Variants in ABCG5 observed in about 807,000 individuals in gnomAD.
The protein encoded by ABCG5 is ATP binding cassette subfamily G member 5.
ABCG5 carries 64 observed loss-of-function variants against 64.5 expected under a neutral mutation model. The ratio of observed to expected loss-of-function variants is 0.99; its 90% confidence interval spans 0.81 to 1.22. The LOEUF is 1.22. Among genes scored for constraint, ABCG5 ranks in the 50% most tolerant of loss-of-function variants. The pLI is 0.00. For synonymous variants in ABCG5, 385 were observed against 326.3 expected, an observed-to-expected ratio of 1.18 and a Z score of -1.94; for missense variants, 908 against 829.5, an observed-to-expected ratio of 1.09 and a Z score of -1.16.
At chr2:43,825,174 G>T (rs569546465) in intron 6 of ABCG5, among the ~76,000 whole-genome samples, 156 bp from the exon 7 acceptor site, 3 of 152,102 alleles carry the variant, frequency 2.0e-5, no homozygotes, top group Admixed American at 6.5e-5. Flanking sequence ...TCAGTCCTTC[G>T]ATGACCTTGG....
At chr2:43,834,662 G>A (rs558510442) in intron 2 of ABCG5, among the ~76,000 whole-genome samples, 1 of 152,372 alleles carries the variant, frequency 6.6e-6, no homozygotes, top group Admixed American at 6.5e-5. Context: ...CAGCACTTTG[G>A]GAGGCCAAGG....
intron 2 of ABCG5, 76 bp from the exon 3 acceptor site, chr2:43,832,159 G>A: frequency 6.5e-7 from 1 of 1,546,368 alleles, no homozygotes; most frequent in Non-Finnish European, 8.7e-7. Context: ...GACCCTCTGT[G>A]CAGGCATGAC....
chr2:43,825,569 T>A (rs750788563), intron 6 of ABCG5, among the ~76,000 whole-genome samples: 5 of 152,148 alleles, frequency 3.3e-5, no homozygotes, highest in Non-Finnish European at 5.9e-5. Flanking sequence ...TATTAACAAC[T>A]GTGTGATCTT....
Position 43,813,094 on chromosome 2 carries a change from A to G in ABCG5, c.*22T>C. On this transcript the variant is annotated 3_prime_UTR_variant, in exon 13 of 13. Transcript: ENST00000405322. ...ATGCACAGTCGGCAGCTTCACTTCC[A>G]TTTTCCCAGCCATGGCTTTCACTAC... 1 of 984,282 alleles carries G rather than the reference A, an allele frequency of 1.0e-6. No individual in the cohort carries two copies. The highest frequency in any genetic ancestry group is 1.7e-6 in the Non-Finnish European group (1 of 605,100). 61.0% of individuals were successfully genotyped at this position (984,282 alleles called of 1,614,324 possible).
intron 2 of ABCG5, among the ~76,000 whole-genome samples, chr2:43,833,030 G>A (rs572951882): frequency 4.6e-5 from 7 of 152,130 alleles, no homozygotes; most frequent in South Asian, 4.2e-4. Context: ...GGCTGGTCTC[G>A]ACCTCCTGAC....
In ABCG5 at chr2:43,813,055, C is replaced by A; in HGVS notation, c.*61G>T. The A allele has an allele frequency of 1.3e-6, 1 of 776,816 alleles. No homozygotes were observed. The highest frequency in any genetic ancestry group is 2.4e-6 in the Non-Finnish European group (1 of 421,778). The allele number at this position is 776,816 out of a possible 1,614,324, so 48.1% of individuals were successfully genotyped here. On this transcript the variant is annotated 3_prime_UTR_variant, in exon 13 of 13. Coordinates refer to ENST00000405322, the MANE Select transcript of ABCG5 (RefSeq NM_022436.3). ...AAATACATGGCACTCTCATTTCAGA[C>A]GTTCAGAGCAGTCATGCACAGTCGG...
intron 12 of ABCG5, among the ~76,000 whole-genome samples, chr2:43,813,709 G>GTTTTTTTTTTT (rs1214033245): frequency 3.8e-4 from 13 of 34,064 alleles, no homozygotes; most frequent in East Asian, 7.2e-4. Flanking sequence ...TTTTTTTTTC[G>GTTTTTTTTTTT]TTTTTTTTTT....
Position 43,837,896 on chromosome 2 carries a change from A to T in ABCG5, c.203T>A (p.Ile68Asn). 6.2e-7 allele frequency: 1 copy of T among 1,614,136 alleles called. No homozygotes were observed. Among genetic ancestry groups the T allele is most frequent in the East Asian group, 2.2e-5 (1 of 44,878 alleles). Residue 68 changes from isoleucine (I) to asparagine (N), a missense_variant, in exon 2 of 13, where the codon ATC becomes AAC. By Grantham distance (149) the Ile-to-Asn change is moderately radical. Transcript: ENST00000405322. ...CACGTACAAGGAGACATCTTTGAGG[A>T]TCTGCCTGGTCCACTGCTGCCGGCA... is the stretch of plus-strand genomic sequence containing the variant. ...TSCRQQWTRQILKDVSLYVES... is the reference protein window; with the variant it reads ...TSCRQQWTRQNLKDVSLYVES...
chr2:43,809,774 T>C (rs8302), downstream of ABCG5: 280,833 of 1,605,688 alleles, frequency 0.17, 26,027 homozygotes, highest in African/African-American at 0.27. Flanking sequence ...TTGAACCTAT[T>C]TCAATTATTG....
At chr2:43,825,141 G>T in intron 6 of ABCG5, 123 bp from the exon 7 acceptor site, 2 of 1,200,712 alleles carry the variant, frequency 1.7e-6, no homozygotes, top group South Asian at 1.3e-5. Context: ...AGTCCTTATG[G>T]GAAATGCATT....
rs772952717 is a variant in ABCG5, at chr2:43,827,983, T to C, written c.634A>G (p.Lys212Glu). Residue 212 changes from lysine to glutamate, a missense_variant and splice_region_variant, in exon 5 of 13, where the codon AAG becomes GAG. By Grantham distance (56) the Lys-to-Glu change is moderately conservative. Coordinates refer to ENST00000405322, the MANE Select transcript of ABCG5 (RefSeq NM_022436.3). Reference protein sequence around the residue: ...SIAAQLLQDPKVMLFDEPTTG... With the variant: ...SIAAQLLQDPEVMLFDEPTTG... The stretch of plus-strand genomic sequence containing the variant: ...AGTAACAGTTCTGGGTGCCACTTAC[T>C]AGGATCCTGGAGCAGCTGGGCTGCG... The C allele has an allele frequency of 9.9e-6, 16 of 1,613,854 alleles. No individual in the cohort carries two copies. Among genetic ancestry groups the C allele is most frequent in the African/African-American group, 2.7e-5 (2 of 74,910 alleles).
intron 9 of ABCG5, among the ~76,000 whole-genome samples, chr2:43,823,560 T>C (rs922589042): frequency 6.6e-6 from 1 of 152,098 alleles, no homozygotes; most frequent in Non-Finnish European, 1.5e-5. Context: ...AAAGAGAAGC[T>C]AACGGTACAA....
Position 43,838,532 on chromosome 2 carries a change from C to G in ABCG5, c.143+5G>C, listed in dbSNP as rs770811436. On this transcript the variant is annotated splice_donor_5th_base_variant and intron_variant, in intron 1 of 12. Transcript: ENST00000405322. The surrounding 1 kb of genome is among the most constrained non-coding windows in gnomAD (Gnocchi z 4.2). Reference sequence around the variant, plus strand: ...GGAGCAGCAGCAGCAAGGGCTCTGCCTTACCTGACGCTGTAGGAGGCATGG... The same window carrying G: ...GGAGCAGCAGCAGCAAGGGCTCTGCGTTACCTGACGCTGTAGGAGGCATGG... 3.1e-6 allele frequency: 5 copies of G among 1,598,132 alleles called. No individual in the cohort carries two copies. In the East Asian group the frequency reaches 6.8e-5, roughly 22 times the overall value.
downstream of ABCG5, among the ~76,000 whole-genome samples, chr2:43,811,883 C>T (rs367566316): frequency 3.0e-4 from 46 of 152,112 alleles, no homozygotes; most frequent in South Asian, 4.1e-4. Flanking sequence ...CATGAGCCAC[C>T]GCGCCTGGCC....
At position 43,812,656 on chromosome 2, in the gene ABCG5, C is replaced by A; in HGVS notation, c.*460G>T. On this transcript the variant is annotated 3_prime_UTR_variant, in exon 13 of 13. Coordinates refer to ENST00000405322, the MANE Select transcript of ABCG5 (RefSeq NM_022436.3). The stretch of plus-strand genomic sequence containing the variant: ...CTTCCAGGAACAGAAGCATTCTTAC[C>A]CAATTCTGCATGATAACCTTGCTTC... 5.3e-6 allele frequency: 1 copy of A among 189,196 alleles called. No homozygotes were observed. Among genetic ancestry groups the A allele is most frequent in the Non-Finnish European group, 1.1e-5 (1 of 90,490 alleles). The allele number at this position is 189,196 out of a possible 1,614,324, so 11.7% of individuals were successfully genotyped here.
rs115260078 is a variant in ABCG5 at position 43,815,700 on chromosome 2, G to C, written c.1650-1111C>G. ...CAAGGGCTGCATATGGGACTGACTG[G>C]ACCAGAAACACTGGAAGAGAGGATG... On this transcript the variant is annotated intron_variant, in intron 11 of 12. Transcript: ENST00000405322. Among the ~76,000 whole-genome samples the C allele has an allele frequency of 8.3e-3, 1,263 of 152,238 alleles. 19 individuals are homozygous for C. Among genetic ancestry groups the C allele is most frequent in the African/African-American group, 0.029 (1,210 of 41,528 alleles).
intron 11 of ABCG5, among the ~76,000 whole-genome samples, chr2:43,819,576 T>A (rs1315074835): frequency 1.3e-5 from 2 of 151,974 alleles, no homozygotes; most frequent in African/African-American, 4.8e-5. Context: ...AGAAATGAAC[T>A]AATGCATGCA....
At chr2:43,819,885 A>C (rs932122668) in intron 11 of ABCG5, 30 bp downstream of exon 11, 1 of 1,611,500 alleles carries the variant, frequency 6.2e-7, no homozygotes, top group Non-Finnish European at 8.5e-7. Flanking sequence ...GATTATCCCA[A>C]TCTAAATTTT....
At position 43,838,508 on chromosome 2, in the gene ABCG5, GAGC is replaced by G. The variant is rs768626602; in HGVS notation, c.143+26_143+28del. 34 of 1,578,890 alleles carry G rather than the reference GAGC, an allele frequency of 2.2e-5. No individual in the cohort carries two copies. Among genetic ancestry groups the G allele is most frequent in the Admixed American group, 5.4e-5 (3 of 55,198 alleles). ...AGCGCCGGGCCCCGCACTCCTGGGGGAGCAGCAGCAGCAAGGGCTCTGCCTTAC... is the reference window on the plus strand; with the variant it reads ...AGCGCCGGGCCCCGCACTCCTGGGGGAGCAGCAGCAAGGGCTCTGCCTTAC... On this transcript the variant is annotated intron_variant, in intron 1 of 12. Transcript: ENST00000405322. This position sits in a 1 kb window ranked among gnomAD's most constrained non-coding sequence, Gnocchi z 4.2.
Sources: allele counts gnomAD v4.1 joint callset (sites outside exome capture counted in the v4.1 genomes callset), GRCh38; gene constraint gnomAD v4.1.1; non-coding constraint Gnocchi (gnomAD v3.1); transcripts MANE v1.5; gene names NCBI Gene and HGNC (gene_info 2026-07-23, HGNC 2026-07-21).